The following PKHD1 variants were observed in gnomAD, a reference collection of about 807,000 sequenced individuals.
PKHD1 encodes the protein PKHD1 ciliary IPT domain containing fibrocystin/polyductin.
In PKHD1, 291 loss-of-function variants were observed where a neutral mutation model predicts 412.0. The observed-to-expected ratio is 0.71, with a 90% CI of 0.64 to 0.78. The LOEUF (loss-of-function observed/expected upper bound fraction) is 0.78, where lower values mean the gene tolerates loss of function less well. PKHD1 is among the 30% of genes least tolerant of loss of function. The pLI is 0.00. For synonymous variants in PKHD1, 1,777 were observed against 1,821.5 expected, an observed-to-expected ratio of 0.98 and a Z score of 0.62; for missense variants, 4,825 against 4,950.7, an observed-to-expected ratio of 0.97 and a Z score of 0.76.
chr6:52,050,813 A>C (rs2128198182), intron 21 of PKHD1, among the ~76,000 whole-genome samples: 1 of 152,300 alleles, frequency 6.6e-6, no homozygotes, highest in South Asian at 2.1e-4. Flanking sequence ...TGATTTTTTC[A>C]CTTCTATTGG....
intron 36 of PKHD1, among the ~76,000 whole-genome samples, chr6:51,951,388 T>G (rs2127881619): frequency 6.6e-6 from 1 of 152,098 alleles, no homozygotes; most frequent in East Asian, 1.9e-4. Context: ...AAAATCCCCC[T>G]AGCTACTAAG....
chr6:51,655,637 A>G (rs890534269), intron 61 of PKHD1, among the ~76,000 whole-genome samples: 3 of 152,134 alleles, frequency 2.0e-5, no homozygotes, highest in African/African-American at 4.8e-5. Context: ...TCAGTGGCTT[A>G]CAGTAACACA....
chr6:52,028,587 C>T (rs1802581963), intron 29 of PKHD1, among the ~76,000 whole-genome samples: 1 of 151,284 alleles, frequency 6.6e-6, no homozygotes, highest in Non-Finnish European at 1.5e-5. Flanking sequence ...TCTTGTCTCA[C>T]TGCAGCCTCA....
chr6:51,737,917 T>C (rs1444100598), intron 60 of PKHD1, among the ~76,000 whole-genome samples: 1 of 152,208 alleles, frequency 6.6e-6, no homozygotes. Context: ...GGGGGTTTGT[T>C]TTGTTTTAAA....
Position 51,659,742 on chromosome 6 carries a change from T to A in PKHD1, c.10384A>T (p.Ile3462Phe), listed in dbSNP as rs139742511. The change falls in exon 61 of 67, where the codon ATC becomes TTC. Residue 3462 changes from isoleucine (I) to phenylalanine (F), a missense_variant. Coordinates refer to ENST00000371117, the MANE Select transcript of PKHD1 (RefSeq NM_138694.4). ...TTGGTGATTTGCCTGATGGGTAAGA[T>A]AGAATAGAAAGTAGACACTGACCCA... ...TSGSVSTFYSILPIRQITKVC... is the reference protein window; with the variant it reads ...TSGSVSTFYSFLPIRQITKVC... 5 of 1,613,704 alleles carry A rather than the reference T, an allele frequency of 3.1e-6. No individual in the cohort carries two copies. The highest frequency in any genetic ancestry group is 4.2e-6 in the Non-Finnish European group (5 of 1,179,802).
At chr6:51,623,858 A>T (rs1408893439) in intron 66 of PKHD1, among the ~76,000 whole-genome samples, 1 of 152,176 alleles carries the variant, frequency 6.6e-6, no homozygotes, top group African/African-American at 2.4e-5. Context: ...AAGTGCTGGG[A>T]TTACAGGTGT....
At chr6:51,705,762 T>C (rs1779947425) in intron 60 of PKHD1, among the ~76,000 whole-genome samples, 2 of 151,974 alleles carry the variant, frequency 1.3e-5, no homozygotes, top group Admixed American at 6.6e-5. Flanking sequence ...GATAGATGCT[T>C]GAAGTAGAAA....
intron 43 of PKHD1, among the ~76,000 whole-genome samples, chr6:51,902,301 A>G (rs776580978): frequency 2.0e-5 from 3 of 152,210 alleles, no homozygotes; most frequent in Non-Finnish European, 4.4e-5. Flanking sequence ...AAAGTTTAAA[A>G]TAACAACAAA....
intron 21 of PKHD1, 148 bp from the exon 22 acceptor site, chr6:52,050,443 T>C (rs972041236): frequency 1.1e-5 from 9 of 824,610 alleles, no homozygotes; most frequent in African/African-American, 1.7e-5. Flanking sequence ...AAAGAACACA[T>C]GGAGAGGACG....
chr6:51,907,711 G>T (rs1782336118), intron 40 of PKHD1, among the ~76,000 whole-genome samples: 1 of 151,996 alleles, frequency 6.6e-6, no homozygotes, highest in African/African-American at 2.4e-5. Context: ...CTGGTAGCTG[G>T]GAGTAATTAG....
At chr6:51,759,404 T>C (rs1265185626) in intron 55 of PKHD1, among the ~76,000 whole-genome samples, 1 of 152,098 alleles carries the variant, frequency 6.6e-6, no homozygotes, top group Non-Finnish European at 1.5e-5. Flanking sequence ...CTGCATTCAT[T>C]CACCAAAATC....
chr6:51,664,370 A>G (rs1185785461), intron 60 of PKHD1, among the ~76,000 whole-genome samples: 1 of 152,212 alleles, frequency 6.6e-6, no homozygotes, highest in East Asian at 1.9e-4. Flanking sequence ...GCAGGGTTGG[A>G]GCCCGAGAGG....
intron 35 of PKHD1, among the ~76,000 whole-genome samples, chr6:51,971,183 G>C (rs1793618424): frequency 6.6e-6 from 1 of 152,154 alleles, no homozygotes; most frequent in African/African-American, 2.4e-5. Context: ...CATGTGCCCA[G>C]ACTTCTGATC....
At position 52,025,860 on chromosome 6, in the gene PKHD1, A is replaced by C; in HGVS notation, c.3950T>G (p.Leu1317Arg). 1 of 1,614,160 alleles carries C rather than the reference A, an allele frequency of 6.2e-7. No homozygotes were observed. Among genetic ancestry groups the C allele is most frequent in the East Asian group, 2.2e-5 (1 of 44,882 alleles). Residue 1317 changes from leucine (L) to arginine (R), a missense_variant, in exon 32 of 67, where the codon CTG (leucine) becomes CGG (arginine). By Grantham distance (102) the Leu-to-Arg change is moderately radical. Coordinates refer to ENST00000371117, the MANE Select transcript of PKHD1 (RefSeq NM_138694.4). ...GGAGAGGTTACTTCCTCCCACATGC[A>C]GGCTCAGGCTGCTATTTGTGATTTC... ...QGEITNSSLS[L>R]HVGGSNLSNS...
chr6:51,659,661 T>A lies in PKHD1; in HGVS notation c.10465A>T (p.Lys3489Ter). ...GCCAAGAGAAGCTTGGAGGTACTTT[T>A]GTTCCCCAATAGAAAAAAGCGCAAA... ...QVLRFFLLGN[K>*]STSKLLLAVF... Residue 3489 changes from lysine to a stop codon, truncating the protein, a stop_gained, in exon 61 of 67, where the codon AAA becomes TAA. Transcript: ENST00000371117. LOFTEE classifies it high-confidence loss of function. 6.2e-7 allele frequency: 1 copy of A among 1,613,808 alleles called. No individual in the cohort carries two copies.
intron 15 of PKHD1, 131 bp downstream of exon 15, chr6:52,059,797 T>C (rs1808400208): frequency 2.9e-6 from 2 of 678,322 alleles, no homozygotes; most frequent in Non-Finnish European, 5.4e-6. Flanking sequence ...TTTTCAACAA[T>C]TAAAGTTCCT....
At chr6:51,893,924 AG>A (rs560636614) in intron 43 of PKHD1, among the ~76,000 whole-genome samples, 297 of 152,338 alleles carry the variant, frequency 1.9e-3, no homozygotes, top group Non-Finnish European at 2.5e-3. Flanking sequence ...GCTCTTCTTC[AG>A]AGTTTTTCCA....
At chr6:51,780,483 T>A (rs1251486091) in intron 53 of PKHD1, among the ~76,000 whole-genome samples, 1 of 151,668 alleles carries the variant, frequency 6.6e-6, no homozygotes, top group African/African-American at 2.4e-5. Context: ...CCAAAATATA[T>A]AAATGACTTT....
intron 60 of PKHD1, among the ~76,000 whole-genome samples, chr6:51,668,547 T>C (rs1437337944): frequency 6.6e-6 from 1 of 152,188 alleles, no homozygotes; most frequent in East Asian, 1.9e-4. Context: ...TTCCTTCTCC[T>C]GCCTGATTGC....
Sources: gnomAD v4.1 joint callset for allele counts (sites outside exome capture counted in the v4.1 genomes callset) on GRCh38, gnomAD v4.1.1 for gene constraint, MANE v1.5 for transcripts, NCBI Gene and HGNC (gene_info 2026-07-23, HGNC 2026-07-21) for gene names.